C14orf119: variants seen among roughly 807,000 people sequenced by gnomAD.
C14orf119 encodes chromosome 14 open reading frame 119, also known as uncharacterized protein C14orf119.
Under a neutral mutation model 13.5 loss-of-function variants are expected in C14orf119, and 17 were observed. The observed-to-expected ratio is 1.26, with a 90% CI of 0.86 to 1.88. C14orf119 has a LOEUF of 1.88. Among genes scored for constraint, C14orf119 ranks in the 40% most tolerant of loss-of-function variants. The pLI is 0.00. For synonymous variants in C14orf119, 61 were observed against 61.9 expected, an observed-to-expected ratio of 0.99 and a Z score of 0.07; for missense variants, 162 against 165.9, an observed-to-expected ratio of 0.98 and a Z score of 0.13.
In C14orf119 at chr14:23,100,441, A is replaced by C. The variant is rs2048422147; in HGVS notation, c.*2360A>C. The C allele has an allele frequency of 4.8e-6, 2 of 413,126 alleles. No individual in the cohort carries two copies. The highest frequency in any genetic ancestry group is 8.8e-6 in the Non-Finnish European group (2 of 226,122). The allele number at this position is 413,126 out of a possible 1,614,324, so 25.6% of individuals were successfully genotyped here. A position where few individuals can be genotyped will look rare whatever the true frequency, so the allele number is the denominator to read the frequency against. On this transcript the variant is annotated 3_prime_UTR_variant, in exon 2 of 2. Transcript: ENST00000319074. ...TATACACGTGAGTGAGTGCTTAATA[A>C]ATTTAATTTCAAACATCCGGACTCC...
At chr14:23,096,894 A>G (rs566732320) in intron 1 of C14orf119, among the ~76,000 whole-genome samples, 9 of 152,294 alleles carry the variant, frequency 5.9e-5, no homozygotes, top group South Asian at 2.1e-4. Context: ...CATACTAAAT[A>G]TTAAGGACAA....
chr14:23,098,242 G>T lies in C14orf119; in HGVS notation c.*161G>T, dbSNP rs2048401891. On this transcript the variant is annotated 3_prime_UTR_variant, in exon 2 of 2. Transcript: ENST00000319074. ...AGGCATGGTTATTTCAACATTAATA[G>T]CATGTCAACTGGACTCCTATTTGTA... 1 of 678,530 alleles carries T rather than the reference G, an allele frequency of 1.5e-6. No individual in the cohort carries two copies. Among genetic ancestry groups the T allele is most frequent in the African/African-American group, 1.8e-5 (1 of 54,984 alleles). The allele number at this position is 678,530 out of a possible 1,614,324, so 42.0% of individuals were successfully genotyped here.
chr14:23,098,274 A>G lies in C14orf119; in HGVS notation c.*193A>G, dbSNP rs1320984359. 1 of 616,310 alleles carries G rather than the reference A, an allele frequency of 1.6e-6. No individual in the cohort carries two copies. The highest frequency in any genetic ancestry group is 1.9e-5 in the African/African-American group (1 of 54,032). 38.2% of individuals were successfully genotyped at this position (616,310 alleles called of 1,614,324 possible). A position where few individuals can be genotyped will look rare whatever the true frequency, so the allele number is the denominator to read the frequency against. On this transcript the variant is annotated 3_prime_UTR_variant, in exon 2 of 2. Transcript: ENST00000319074. ...AACTGGACTCCTATTTGTAAATGTT[A>G]TCAATCTAAGCAATCCAGCTCATCA...
At position 23,099,897 on chromosome 14, in the gene C14orf119, A is replaced by G. The variant is rs8007215; in HGVS notation, c.*1816A>G. ...TTGGAAGAAGACCTAACTTGGCAGC[A>G]AGGGAAGTGGCTTAAGGGAAGAGTC... On this transcript the variant is annotated 3_prime_UTR_variant, in exon 2 of 2. Coordinates refer to ENST00000319074, the MANE Select transcript of C14orf119 (RefSeq NM_017924.4). 151,264 of 168,688 alleles carry G rather than the reference A, an allele frequency of 0.9. 68,710 individuals carry two copies. The highest frequency in any genetic ancestry group is 0.98 in the East Asian group (5,168 of 5,292). The allele number at this position is 168,688 out of a possible 1,614,324, so 10.4% of individuals were successfully genotyped here.
Position 23,098,340 on chromosome 14 carries a change from A to C in C14orf119, c.*259A>C, listed in dbSNP as rs1046391981. The C allele has an allele frequency of 2.9e-5, 13 of 443,262 alleles. No homozygotes were observed. In the South Asian group the frequency reaches 3.7e-4, roughly 13 times the overall value. The allele number at this position is 443,262 out of a possible 1,614,324, so 27.5% of individuals were successfully genotyped here. A position where few individuals can be genotyped will look rare whatever the true frequency, so the allele number is the denominator to read the frequency against. ...TCTTTCCGAGAGATGTCAAGTCCTC[A>C]AGAATTTGATGGCTTCTTCTGCAGC... On this transcript the variant is annotated 3_prime_UTR_variant, in exon 2 of 2. Transcript: ENST00000319074.
intron 1 of C14orf119, among the ~76,000 whole-genome samples, chr14:23,096,073 A>G (rs969855417): frequency 9.2e-5 from 14 of 152,336 alleles, no homozygotes; most frequent in South Asian, 6.2e-4. Context: ...GTCACTACCA[A>G]TCCTCCAACT....
At position 23,099,106 on chromosome 14, in the gene C14orf119, A is replaced by G. The variant is rs1432972703; in HGVS notation, c.*1025A>G. On this transcript the variant is annotated 3_prime_UTR_variant, in exon 2 of 2. Coordinates refer to ENST00000319074, the MANE Select transcript of C14orf119 (RefSeq NM_017924.4). ...ATTTTTGTACCAAAATAAAGAATGG[A>G]TCTTTAGAACTGTAAAACTTCACCC... 2.5e-6 allele frequency: 1 copy of G among 406,670 alleles called. No homozygotes were observed. Among genetic ancestry groups the G allele is most frequent in the African/African-American group, 2.1e-5 (1 of 48,518 alleles). 25.2% of individuals were successfully genotyped at this position (406,670 alleles called of 1,614,324 possible). A position where few individuals can be genotyped will look rare whatever the true frequency, so the allele number is the denominator to read the frequency against.
chr14:23,100,289 T>A lies in C14orf119; in HGVS notation c.*2208T>A, dbSNP rs1321721142. 1 of 393,166 alleles carries A rather than the reference T, an allele frequency of 2.5e-6. No individual in the cohort carries two copies. The allele number at this position is 393,166 out of a possible 1,614,324, so 24.4% of individuals were successfully genotyped here. A position where few individuals can be genotyped will look rare whatever the true frequency, so the allele number is the denominator to read the frequency against. ...GAAGAAAAAGGTGGGGGGAGGGGAC[T>A]AAGATCCCTATGTCCTAGAGATGGG... On this transcript the variant is annotated 3_prime_UTR_variant, in exon 2 of 2. Coordinates refer to ENST00000319074, the MANE Select transcript of C14orf119 (RefSeq NM_017924.4).
In C14orf119 at chr14:23,099,878, G is replaced by T. The variant is rs2048416650; in HGVS notation, c.*1797G>T. 5.9e-6 allele frequency: 1 copy of T among 170,436 alleles called. No individual in the cohort carries two copies. The allele number at this position is 170,436 out of a possible 1,614,324, so 10.6% of individuals were successfully genotyped here. ...CTTCTAGCATCTTATATTATTGGAA[G>T]AAGACCTAACTTGGCAGCAAGGGAA... On this transcript the variant is annotated 3_prime_UTR_variant, in exon 2 of 2. Transcript: ENST00000319074.
chr14:23,096,537 G>A (rs1240364635), intron 1 of C14orf119, among the ~76,000 whole-genome samples: 4 of 131,202 alleles, frequency 3.0e-5, no homozygotes, highest in Admixed American at 7.6e-5. Flanking sequence ...AAAAAAAATT[G>A]CAAGGCACCA....
At position 23,100,033 on chromosome 14, in the gene C14orf119, GGTTGCTT is replaced by G. The variant is rs1267431902; in HGVS notation, c.*1953_*1959del. 1 of 165,022 alleles carries G rather than the reference GGTTGCTT, an allele frequency of 6.1e-6. No individual in the cohort carries two copies. Among genetic ancestry groups the G allele is most frequent in the East Asian group, 1.9e-4 (1 of 5,212 alleles). The allele number at this position is 165,022 out of a possible 1,614,324, so 10.2% of individuals were successfully genotyped here. A position where few individuals can be genotyped will look rare whatever the true frequency, so the allele number is the denominator to read the frequency against. On this transcript the variant is annotated 3_prime_UTR_variant, in exon 2 of 2. Transcript: ENST00000319074. ...GCACTTTGGGAGGCAGAGGCCGGTG[GGTTGCTT>G]TAGCTCAGGAGTTGGAGACAAGCCT...
chr14:23,096,888 C>T (rs1383164202), intron 1 of C14orf119, among the ~76,000 whole-genome samples: 3 of 152,138 alleles, frequency 2.0e-5, no homozygotes, highest in Non-Finnish European at 4.4e-5. Context: ...CTGGCCCATA[C>T]TAAATATTAA....
chr14:23,099,129 C>A lies in C14orf119; in HGVS notation c.*1048C>A, dbSNP rs545979098. ...GGATCTTTAGAACTGTAAAACTTCA[C>A]CCTTTTTTCATTGCCAGGCTATATA... On this transcript the variant is annotated 3_prime_UTR_variant, in exon 2 of 2. Coordinates refer to ENST00000319074, the MANE Select transcript of C14orf119 (RefSeq NM_017924.4). The A allele has an allele frequency of 4.4e-5, 18 of 410,068 alleles. No individual in the cohort carries two copies. The East Asian group carries it at 4.7e-4, about 11-fold the overall frequency. The allele number at this position is 410,068 out of a possible 1,614,324, so 25.4% of individuals were successfully genotyped here.
Position 23,097,885 on chromosome 14 carries a change from G to T in C14orf119, c.227G>T (p.Ser76Ile). The T allele has an allele frequency of 6.2e-7, 1 of 1,614,158 alleles. No homozygotes were observed. The highest frequency in any genetic ancestry group is 1.1e-5 in the South Asian group (1 of 91,086). The part of the protein sequence containing the change: ...VPEKLQPLLD[S>I]LEQLSVSGAD... ...GAAAAATTACAACCACTGCTGGATAGTCTGGAGCAGCTTAGTGTGTCTGGG... is the reference window on the plus strand; with the variant it reads ...GAAAAATTACAACCACTGCTGGATATTCTGGAGCAGCTTAGTGTGTCTGGG... Residue 76 changes from serine (S) to isoleucine (I), a missense_variant, in exon 2 of 2, where the codon AGT (serine) becomes ATT (isoleucine). By Grantham distance (142) the Ser-to-Ile change is moderately radical. Coordinates refer to ENST00000319074, the MANE Select transcript of C14orf119 (RefSeq NM_017924.4).
Position 23,095,636 on chromosome 14 carries a change from T to G in C14orf119, c.-2+17T>G. On this transcript the variant is annotated intron_variant, in intron 1 of 1. Transcript: ENST00000319074. ...AAAGGGGAGGTAAGCGGGGTAGAAG[T>G]ACCTCTATGGGCCGGGTCAGACTCG... 3.6e-6 allele frequency: 1 copy of G among 278,256 alleles called. No homozygotes were observed. Among genetic ancestry groups the G allele is most frequent in the South Asian group, 4.5e-5 (1 of 22,368 alleles). 17.2% of individuals were successfully genotyped at this position (278,256 alleles called of 1,614,324 possible).
chr14:23,097,989 C>T lies in C14orf119; in HGVS notation c.331C>T (p.Arg111Cys), dbSNP rs761924958. 32 of 1,614,018 alleles carry T rather than the reference C, an allele frequency of 2.0e-5. No homozygotes were observed. Among genetic ancestry groups the T allele is most frequent in the African/African-American group, 4.0e-5 (3 of 74,910 alleles). ...GTTTCGAGGCTGGGCTGAGCAGGAG[C>T]GCAATGAATTTGTCAGACAGCTGGA... Reference protein sequence around the residue: ...QWFRGWAEQERNEFVRQLEFS... With the variant: ...QWFRGWAEQECNEFVRQLEFS... Residue 111 changes from arginine (R) to cysteine (C), a missense_variant, in exon 2 of 2, where the codon CGC (arginine) becomes TGC (cysteine). Physicochemically the swap from Arg to Cys is radical, Grantham distance 180. Transcript: ENST00000319074.
In C14orf119 at chr14:23,099,241, A is replaced by T; in HGVS notation, c.*1160A>T. ...TTTTCCATCCAGTTGTCTCACAAGAAATTATTCTCTTCCTTACCCCCTGTC... is the reference window on the plus strand; with the variant it reads ...TTTTCCATCCAGTTGTCTCACAAGATATTATTCTCTTCCTTACCCCCTGTC... On this transcript the variant is annotated 3_prime_UTR_variant, in exon 2 of 2. Coordinates refer to ENST00000319074, the MANE Select transcript of C14orf119 (RefSeq NM_017924.4). 2.4e-6 allele frequency: 1 copy of T among 413,424 alleles called. No homozygotes were observed. 25.6% of individuals were successfully genotyped at this position (413,424 alleles called of 1,614,324 possible).
chr14:23,097,693 C>T lies in C14orf119; in HGVS notation c.35C>T (p.Ser12Phe), dbSNP rs1320889937. Residue 12 changes from serine to phenylalanine, a missense_variant, in exon 2 of 2, where the codon TCC becomes TTC. By Grantham distance (155) the Ser-to-Phe change is radical. Transcript: ENST00000319074. ...PLESSSSMPL[S>F]FPSLLPSVPH... ...GAGTCATCCTCTTCAATGCCACTAT[C>T]CTTCCCATCTCTCTTACCCTCAGTA... is the stretch of plus-strand genomic sequence containing the variant. The T allele has an allele frequency of 6.2e-7, 1 of 1,614,136 alleles. No homozygotes were observed. Among genetic ancestry groups the T allele is most frequent in the South Asian group, 1.1e-5 (1 of 91,082 alleles).
chr14:23,099,556 C>A lies in C14orf119; in HGVS notation c.*1475C>A. The A allele has an allele frequency of 8.9e-6, 3 of 337,866 alleles. No individual in the cohort carries two copies. Among genetic ancestry groups the A allele is most frequent in the Non-Finnish European group, 1.6e-5 (3 of 190,050 alleles). The allele number at this position is 337,866 out of a possible 1,614,324, so 20.9% of individuals were successfully genotyped here. On this transcript the variant is annotated 3_prime_UTR_variant, in exon 2 of 2. Transcript: ENST00000319074. ...AGCCTTAGTAGATAAAGCGGCATTA[C>A]CTTTTTTTTTTTTTTTTTTTGGAGA...
Sources: allele counts gnomAD v4.1 joint callset (sites outside exome capture counted in the v4.1 genomes callset), GRCh38; gene constraint gnomAD v4.1.1; transcripts MANE v1.5; gene names NCBI Gene and HGNC (gene_info 2026-07-23, HGNC 2026-07-21).